The following FNDC3B variants were observed in gnomAD, a reference collection of about 807,000 sequenced individuals.
The protein encoded by FNDC3B is fibronectin type III domain containing 3B.
A neutral mutation model predicts 151.5 loss-of-function variants in FNDC3B; 12 were observed. The ratio of observed to expected loss-of-function variants is 0.08; its 90% CI spans 0.05 to 0.13. The LOEUF is 0.13. Among genes scored for constraint, FNDC3B ranks in the 10% least tolerant of loss-of-function variants. FNDC3B has a pLI of 1.00. For synonymous variants in FNDC3B, 528 were observed against 549.0 expected, an observed-to-expected ratio of 0.96 and a Z score of 0.54; for missense variants, 1,214 against 1,505.3, an observed-to-expected ratio of 0.81 and a Z score of 3.20.
At chr3:172,141,445 C>A (rs1721627776) in intron 3 of FNDC3B, among the ~76,000 whole-genome samples, 1 of 152,226 alleles carries the variant, frequency 6.6e-6, no homozygotes, top group Non-Finnish European at 1.5e-5. Flanking sequence ...CACTCTTGCA[C>A]CACGCCTGAG....
intron 8 of FNDC3B, among the ~76,000 whole-genome samples, chr3:172,295,757 T>C (rs1000538393): frequency 1.3e-5 from 2 of 152,238 alleles, no homozygotes; most frequent in African/African-American, 4.8e-5. Flanking sequence ...TTGCTGTCAG[T>C]AGAGTATTAA....
At position 172,295,484 on chromosome 3, in the gene FNDC3B, G is replaced by A. The variant is rs745397891; in HGVS notation, c.971G>A (p.Gly324Glu). 1 of 1,613,958 alleles carries A rather than the reference G, an allele frequency of 6.2e-7. No individual in the cohort carries two copies. The highest frequency in any genetic ancestry group is 1.1e-5 in the South Asian group (1 of 91,064). The change falls in exon 8 of 26, where the codon GGA becomes GAA. Residue 324 changes from glycine to glutamate, a missense_variant. Gly to Glu is a moderately conservative substitution (Grantham distance 98). Coordinates refer to ENST00000415807, the MANE Select transcript of FNDC3B (RefSeq NM_022763.4). ...YSYEVALSDK[G>E]RDGKYKIIYS... ...TACGAGGTGGCCTTATCAGACAAAGGACGAGATGGAAAATACAAGATAATT... is the reference window on the plus strand; with the variant it reads ...TACGAGGTGGCCTTATCAGACAAAGAACGAGATGGAAAATACAAGATAATT...
Position 172,399,744 on chromosome 3 carries a change from T to G in FNDC3B, c.*2269T>G, listed in dbSNP as rs1736478444. On this transcript the variant is annotated 3_prime_UTR_variant, in exon 26 of 26. Transcript: ENST00000415807. ...ATTTTTTAAGCAATGAAAATTCAAC[T>G]GAGTACAAAGCCCCCTCTTGGGGGG... 1 of 152,662 alleles carries G rather than the reference T, an allele frequency of 6.6e-6. No homozygotes were observed. The highest frequency in any genetic ancestry group is 1.5e-5 in the Non-Finnish European group (1 of 68,040). The allele number at this position is 152,662 out of a possible 1,614,324, so 9.5% of individuals were successfully genotyped here.
chr3:172,150,366 A>C (rs1722157208), intron 3 of FNDC3B, among the ~76,000 whole-genome samples: 1 of 152,144 alleles, frequency 6.6e-6, no homozygotes, highest in African/African-American at 2.4e-5. Flanking sequence ...AAAAACTCTA[A>C]AACAGAGAAG....
chr3:172,217,650 T>C (rs1429032276), intron 3 of FNDC3B, among the ~76,000 whole-genome samples: 1 of 63,986 alleles, frequency 1.6e-5, no homozygotes, highest in Non-Finnish European at 5.0e-5. Flanking sequence ...TATAGGGTTT[T>C]TTTTTTAAAA....
intron 23 of FNDC3B, among the ~76,000 whole-genome samples, chr3:172,371,117 C>G (rs1171585444): frequency 6.6e-6 from 1 of 152,150 alleles, no homozygotes; most frequent in African/African-American, 2.4e-5. Context: ...CACCCTCCCC[C>G]CTTGCCCACC....
chr3:172,211,678 T>A (rs970496813), intron 3 of FNDC3B, among the ~76,000 whole-genome samples: 2 of 152,232 alleles, frequency 1.3e-5, no homozygotes, highest in African/African-American at 4.8e-5. Flanking sequence ...ACATTTTGTT[T>A]GTATGGCTCT....
chr3:172,299,194 C>T lies in FNDC3B; in HGVS notation c.1061+407C>T, dbSNP rs181157057. Among the ~76,000 whole-genome samples, 16 of 152,320 alleles carry T rather than the reference C, an allele frequency of 1.1e-4. No homozygotes were observed. In the East Asian group the frequency reaches 1.9e-3, roughly 18 times the overall value. On this transcript the variant is annotated intron_variant, in intron 9 of 25. Coordinates refer to ENST00000415807, the MANE Select transcript of FNDC3B (RefSeq NM_022763.4). Reference sequence around the variant, plus strand: ...AGAAGCCCTTTCCATGTTGCAAGCACACCGTTAGACCTTAAAAGCTGGTAG... The same window carrying T: ...AGAAGCCCTTTCCATGTTGCAAGCATACCGTTAGACCTTAAAAGCTGGTAG...
intron 3 of FNDC3B, among the ~76,000 whole-genome samples, chr3:172,187,767 T>G (rs1475540417): frequency 6.6e-6 from 1 of 152,058 alleles, no homozygotes; most frequent in Non-Finnish European, 1.5e-5. Context: ...ATAGCTGGTG[T>G]ATGCCACTAC....
rs1202810647 is a variant in FNDC3B, at chr3:172,057,626, CTA to C, written c.-29+17857_-29+17858del. On this transcript the variant is annotated intron_variant, in intron 1 of 25. Coordinates refer to ENST00000415807, the MANE Select transcript of FNDC3B (RefSeq NM_022763.4). ...AATAGGGATCGAAGCCTGTCTTGCT[CTA>C]TGAGAGTGAATGAGCTAGTGTTAGA... Among the ~76,000 whole-genome samples the C allele has an allele frequency of 4.0e-5, 6 of 150,984 alleles. No homozygotes were observed. In the East Asian group the frequency reaches 9.7e-4, roughly 24 times the overall value.
chr3:172,313,254 C>T (rs1731610994), intron 11 of FNDC3B, among the ~76,000 whole-genome samples: 1 of 152,170 alleles, frequency 6.6e-6, no homozygotes, highest in Admixed American at 6.5e-5. Flanking sequence ...CTAAGGCACT[C>T]CCTTGCCTTT....
intron 16 of FNDC3B, among the ~76,000 whole-genome samples, chr3:172,339,679 T>C (rs1317210432): frequency 6.6e-6 from 1 of 152,246 alleles, no homozygotes; most frequent in Non-Finnish European, 1.5e-5. Flanking sequence ...TGTGAATATT[T>C]AAGTATGTTT....
chr3:172,298,517 C>T (rs768323474), intron 8 of FNDC3B, among the ~76,000 whole-genome samples: 1 of 152,140 alleles, frequency 6.6e-6, no homozygotes. Context: ...ATGCCATTTT[C>T]GAGATCTAAG....
chr3:172,183,626 A>C (rs1467872671), intron 3 of FNDC3B, among the ~76,000 whole-genome samples: 1 of 152,206 alleles, frequency 6.6e-6, no homozygotes. Context: ...TCACTTATCC[A>C]GGTGTTGCTA....
rs35409041 is a variant in FNDC3B, at chr3:172,329,051, G to T, written c.1354G>T (p.Ala452Ser). The change falls in exon 12 of 26, where the codon GCC becomes TCC. Residue 452 changes from alanine to serine, a missense_variant. By Grantham distance (99) the Ala-to-Ser change is moderately conservative. Coordinates refer to ENST00000415807, the MANE Select transcript of FNDC3B (RefSeq NM_022763.4). ...GGCAATGGGGTACACATTCAGGCTG[G>T]CCGCTCGAAACGACATTGGTACCAG... is the stretch of plus-strand genomic sequence containing the variant. ...CPAMGYTFRL[A>S]ARNDIGTSGY... is the part of the protein sequence containing the mutation. The T allele has an allele frequency of 0.011, 17,965 of 1,613,382 alleles. 162 individuals are homozygous for T. Among genetic ancestry groups the T allele is most frequent in the Non-Finnish European group, 0.012 (14,565 of 1,179,554 alleles).
intron 4 of FNDC3B, among the ~76,000 whole-genome samples, chr3:172,235,737 TCA>T (rs1727124368): frequency 2.0e-5 from 3 of 152,252 alleles, no homozygotes; most frequent in Admixed American, 2.0e-4. Flanking sequence ...CTGGGCTGTC[TCA>T]CAGGTGTGAA....
intron 23 of FNDC3B, among the ~76,000 whole-genome samples, chr3:172,373,489 C>G (rs1734981257): frequency 6.6e-6 from 1 of 152,214 alleles, no homozygotes; most frequent in Non-Finnish European, 1.5e-5. Flanking sequence ...AAGCCTTGCT[C>G]TTTGGAATCC....
intron 3 of FNDC3B, among the ~76,000 whole-genome samples, chr3:172,208,602 G>A (rs1213097882): frequency 6.6e-6 from 1 of 152,154 alleles, no homozygotes; most frequent in Non-Finnish European, 1.5e-5. Flanking sequence ...ATCAAATTCA[G>A]TTACTGTTGA....
chr3:172,058,207 C>T (rs79243926), intron 1 of FNDC3B, among the ~76,000 whole-genome samples: 2,532 of 152,180 alleles, frequency 0.017, 34 homozygotes, highest in Non-Finnish European at 0.023. Context: ...AGCTTTCTCT[C>T]GGAATATTAG....
Sources: allele counts gnomAD v4.1 joint callset (sites outside exome capture counted in the v4.1 genomes callset), GRCh38; gene constraint gnomAD v4.1.1; transcripts MANE v1.5; gene names NCBI Gene and HGNC (gene_info 2026-07-23, HGNC 2026-07-21).